The following CSMD1 variants were observed in gnomAD, a reference collection of about 807,000 sequenced individuals.
The protein encoded by CSMD1 is CUB and Sushi multiple domains 1, also known as CUB and sushi domain-containing protein 1.
A neutral mutation model predicts 417.5 loss-of-function variants in CSMD1; 213 were observed. The observed-to-expected ratio is 0.51, with a 90% CI of 0.46 to 0.57. CSMD1 has a LOEUF of 0.57. Among genes scored for constraint, CSMD1 ranks in the 20% least tolerant of loss-of-function variants. CSMD1 has a pLI of 0.00. For missense variants in CSMD1, 6,923 were observed against 4,529.7 expected, an observed-to-expected ratio of 1.53 and a Z score of -15.17; for synonymous variants, 2,862 against 1,736.8, an observed-to-expected ratio of 1.65 and a Z score of -16.11.
At chr8:4,250,954 C>A (rs1244995464) in intron 3 of CSMD1, among the ~76,000 whole-genome samples, 1 of 152,024 alleles carries the variant, frequency 6.6e-6, no homozygotes, top group African/African-American at 2.4e-5. Context: ...GACACGTTTC[C>A]CTGAATGTTA....
chr8:3,675,751 A>T (rs563199170), intron 7 of CSMD1, among the ~76,000 whole-genome samples: 188 of 152,316 alleles, frequency 1.2e-3, no homozygotes, highest in Non-Finnish European at 2.1e-3. Context: ...TCCAGTCTCA[A>T]AACTGTGAGA....
chr8:4,068,061 C>T (rs550236862), intron 3 of CSMD1, among the ~76,000 whole-genome samples: 19 of 151,764 alleles, frequency 1.3e-4, no homozygotes, highest in African/African-American at 4.1e-4. Context: ...AGCCTGGCGA[C>T]AGAGGGAGAC....
intron 3 of CSMD1, among the ~76,000 whole-genome samples, chr8:4,284,440 C>CA (rs1796952075): frequency 6.9e-6 from 1 of 144,902 alleles, no homozygotes; most frequent in African/African-American, 2.5e-5. Context: ...AGGGTACCTC[C>CA]ACTCCGTGTT....
intron 5 of CSMD1, among the ~76,000 whole-genome samples, chr8:3,813,177 C>T (rs1226334605): frequency 6.8e-6 from 1 of 147,920 alleles, no homozygotes; most frequent in African/African-American, 2.5e-5. Flanking sequence ...CAAAGAAATT[C>T]ATGACATAAT....
intron 3 of CSMD1, among the ~76,000 whole-genome samples, chr8:4,238,956 A>C (rs565098672): frequency 8.4e-4 from 128 of 152,322 alleles, no homozygotes; most frequent in African/African-American, 3.0e-3. Context: ...TCTTCTGTAG[A>C]GAGTAGACAG....
At chr8:3,832,170 C>G (rs935722335) in intron 5 of CSMD1, among the ~76,000 whole-genome samples, 1 of 152,110 alleles carries the variant, frequency 6.6e-6, no homozygotes, top group Non-Finnish European at 1.5e-5. Flanking sequence ...TTAAGAAAGG[C>G]AAACAGCCGT....
At chr8:4,066,742 G>A (rs1241610077) in intron 3 of CSMD1, among the ~76,000 whole-genome samples, 2 of 152,116 alleles carry the variant, frequency 1.3e-5, no homozygotes, top group Non-Finnish European at 2.9e-5. Context: ...AGACTGAGAT[G>A]CAATCCAAAC....
intron 3 of CSMD1, among the ~76,000 whole-genome samples, chr8:4,302,602 T>C (rs978582965): frequency 6.6e-6 from 1 of 152,326 alleles, no homozygotes; most frequent in East Asian, 1.9e-4. Context: ...CGTAAGGGGA[T>C]TCTCTCCTAT....
intron 3 of CSMD1, among the ~76,000 whole-genome samples, chr8:4,132,079 A>C (rs540264928): frequency 9.2e-5 from 14 of 152,280 alleles, no homozygotes; most frequent in African/African-American, 3.4e-4. Context: ...TAGATTCTTC[A>C]AAAACAGGTA....
At chr8:4,107,639 C>G (rs1448052389) in intron 3 of CSMD1, among the ~76,000 whole-genome samples, 1 of 152,134 alleles carries the variant, frequency 6.6e-6, no homozygotes, top group Admixed American at 6.5e-5. Flanking sequence ...ACAATGAGCA[C>G]CACCGAAAGC....
intron 2 of CSMD1, among the ~76,000 whole-genome samples, chr8:4,432,421 A>C (rs1160310074): frequency 2.0e-5 from 3 of 152,118 alleles, no homozygotes; most frequent in Non-Finnish European, 4.4e-5. Context: ...GATTTCCTAG[A>C]TTTGGAGCCT....
At chr8:3,768,828 G>T (rs1348280077) in intron 5 of CSMD1, among the ~76,000 whole-genome samples, 1 of 152,174 alleles carries the variant, frequency 6.6e-6, no homozygotes, top group Non-Finnish European at 1.5e-5. Flanking sequence ...TTACTTCCTT[G>T]GTGGATAGTC....
chr8:3,642,151 T>C (rs908285083), intron 7 of CSMD1, among the ~76,000 whole-genome samples: 1 of 151,700 alleles, frequency 6.6e-6, no homozygotes, highest in Admixed American at 6.6e-5. Context: ...GACAAAGATA[T>C]GATACACAAA....
At chr8:3,006,459 C>A (rs1409729888) in intron 52 of CSMD1, among the ~76,000 whole-genome samples, 2 of 152,082 alleles carry the variant, frequency 1.3e-5, no homozygotes, top group Non-Finnish European at 2.9e-5. Context: ...GAGCCCGAAT[C>A]ACCAAGTCAA....
At position 4,300,559 on chromosome 8, in the gene CSMD1, G is replaced by C. The variant is rs139386187; in HGVS notation, c.415+119394C>G. On this transcript the variant is annotated intron_variant, in intron 3 of 69. Transcript: ENST00000635120. The stretch of plus-strand genomic sequence containing the variant: ...ACATTTTATTATTATTATGCTTTAA[G>C]TTTTAGGGTACATGTGCACAACGTG... Among the ~76,000 whole-genome samples the C allele has an allele frequency of 3.5e-3, 532 of 152,182 alleles. 2 individuals carry two copies. The highest frequency in any genetic ancestry group is 0.012 in the African/African-American group (513 of 41,518).
intron 1 of CSMD1, among the ~76,000 whole-genome samples, chr8:4,724,658 T>A (rs1809297533): frequency 6.6e-6 from 1 of 152,028 alleles, no homozygotes; most frequent in South Asian, 2.1e-4. Flanking sequence ...ACACAGACAT[T>A]GAATAAACTT....
chr8:4,191,436 A>G (rs1328600951), intron 3 of CSMD1, among the ~76,000 whole-genome samples: 1 of 152,052 alleles, frequency 6.6e-6, no homozygotes, highest in Non-Finnish European at 1.5e-5. Context: ...CAAAAAACAC[A>G]AAAAACAAAC....
intron 1 of CSMD1, among the ~76,000 whole-genome samples, chr8:4,732,344 C>CGTGTGTGTGTGTGTGTGTGTGTGT (rs750818272): frequency 2.1e-5 from 3 of 141,050 alleles, no homozygotes; most frequent in Non-Finnish European, 4.6e-5. Context: ...ATTTCTTCTG[C>CGTGTGTGTGTGTGTGTGTGTGTGT]GTGTGTGTGT....
intron 10 of CSMD1, among the ~76,000 whole-genome samples, chr8:3,512,927 C>T (rs1047016341): frequency 5.9e-5 from 9 of 151,736 alleles, no homozygotes; most frequent in African/African-American, 1.7e-4. Context: ...CACGTGGGCC[C>T]GTTGTATAAC....
Sources: allele counts gnomAD v4.1 joint callset (sites outside exome capture counted in the v4.1 genomes callset), GRCh38; gene constraint gnomAD v4.1.1; transcripts MANE v1.5; gene names NCBI Gene and HGNC (gene_info 2026-07-23, HGNC 2026-07-21).